The following SEMA3A variants were observed in gnomAD, a reference collection of about 807,000 sequenced individuals.
SEMA3A encodes the protein semaphorin 3A, also known as semaphorin-3A.
SEMA3A carries 29 observed loss-of-function variants against 97.9 expected under a neutral mutation model. The ratio of observed to expected loss-of-function variants is 0.30; its 90% CI spans 0.22 to 0.40. The LOEUF is 0.40. Among genes scored for constraint, SEMA3A ranks in the 10% least tolerant of loss-of-function variants. The pLI, the probability that SEMA3A is intolerant of heterozygous loss-of-function variation, is 1.00. For synonymous variants in SEMA3A, 321 were observed against 323.7 expected, an observed-to-expected ratio of 0.99 and a Z score of 0.09; for missense variants, 763 against 951.3, an observed-to-expected ratio of 0.80 and a Z score of 2.60.
intron 1 of SEMA3A, among the ~76,000 whole-genome samples, chr7:84,177,936 T>C (rs1797620172): frequency 6.6e-6 from 1 of 152,128 alleles, no homozygotes; most frequent in Non-Finnish European, 1.5e-5. Flanking sequence ...TCTCTCCTAA[T>C]GTATACATAT....
At chr7:84,458,304 C>T (rs931403652) in intron 1 of SEMA3A, among the ~76,000 whole-genome samples, 2 of 151,900 alleles carry the variant, frequency 1.3e-5, no homozygotes, top group African/African-American at 2.4e-5. Context: ...TGTACACCAG[C>T]TTTTATTTGT....
chr7:84,480,162 C>G (rs974777199), intron 1 of SEMA3A, among the ~76,000 whole-genome samples: 1 of 152,158 alleles, frequency 6.6e-6, no homozygotes, highest in South Asian at 2.1e-4. Flanking sequence ...GCCTCACTTT[C>G]GCTCAATTAG....
Position 84,358,099 on chromosome 7 carries a change from T to G in SEMA3A, c.-169+13725A>C, listed in dbSNP as rs1054269650. ...CATTCTGTAGGTTGCCTGTTCACACTGACGGTAGTTTATTTTGCTATGCAG... is the reference window on the plus strand; with the variant it reads ...CATTCTGTAGGTTGCCTGTTCACACGGACGGTAGTTTATTTTGCTATGCAG... On this transcript the variant is annotated intron_variant, in intron 2 of 3. Transcript: ENST00000424555. 3.3e-5 allele frequency among the ~76,000 whole-genome samples: 5 copies of G among 152,226 alleles called. No homozygotes were observed. In the East Asian group the frequency reaches 9.6e-4, roughly 29 times the overall value.
intron 3 of SEMA3A, among the ~76,000 whole-genome samples, chr7:84,256,753 G>A (rs1444094175): frequency 6.6e-6 from 1 of 151,784 alleles, no homozygotes; most frequent in East Asian, 1.9e-4. Flanking sequence ...ATCCTTTTTT[G>A]GTGTTATTTT....
At chr7:84,315,526 T>C (rs1801475025) in intron 2 of SEMA3A, among the ~76,000 whole-genome samples, 1 of 152,180 alleles carries the variant, frequency 6.6e-6, no homozygotes, top group Non-Finnish European at 1.5e-5. Flanking sequence ...TCAAATAGTT[T>C]ATCTCTTTCT....
intron 3 of SEMA3A, among the ~76,000 whole-genome samples, chr7:84,243,563 G>T (rs916527108): frequency 5.3e-5 from 8 of 151,848 alleles, no homozygotes; most frequent in African/African-American, 1.9e-4. Flanking sequence ...TTGCCTAGTG[G>T]TCTGTCTATT....
At chr7:84,003,667 C>A (rs1271748545) in intron 11 of SEMA3A, among the ~76,000 whole-genome samples, 4 of 152,092 alleles carry the variant, frequency 2.6e-5, no homozygotes, top group African/African-American at 4.8e-5. Flanking sequence ...GAGTGAGAGA[C>A]TTCTCAATAC....
At chr7:84,088,442 A>C (rs1268980362) in intron 4 of SEMA3A, among the ~76,000 whole-genome samples, 1 of 151,912 alleles carries the variant, frequency 6.6e-6, no homozygotes, top group Non-Finnish European at 1.5e-5. Flanking sequence ...CTACACAGGG[A>C]GACTCCGTTT....
chr7:84,014,486 A>G, intron 6 of SEMA3A, 135 bp from the exon 7 acceptor site: 1 of 687,124 alleles, frequency 1.5e-6, no homozygotes, highest in Non-Finnish European at 2.4e-6. Context: ...TTCATTTTGT[A>G]GGTACATATT....
intron 4 of SEMA3A, among the ~76,000 whole-genome samples, chr7:84,083,476 A>C (rs796449290): frequency 1.3e-5 from 2 of 152,018 alleles, no homozygotes; most frequent in African/African-American, 4.8e-5. Flanking sequence ...CTACCCTATC[A>C]GTTGTTTTGA....
chr7:84,329,192 T>C (rs1179962523), intron 2 of SEMA3A, among the ~76,000 whole-genome samples: 1 of 151,890 alleles, frequency 6.6e-6, no homozygotes, highest in East Asian at 1.9e-4. Context: ...AGAGGTAACA[T>C]TATGTATAAA....
At chr7:84,094,167 G>A (rs1055418694) in intron 4 of SEMA3A, among the ~76,000 whole-genome samples, 3 of 152,022 alleles carry the variant, frequency 2.0e-5, no homozygotes, top group African/African-American at 4.8e-5. Context: ...GTTATTTCAC[G>A]AAAAGGAACC....
At chr7:84,492,237 T>C (rs1468398166) in intron 1 of SEMA3A, among the ~76,000 whole-genome samples, 1 of 152,092 alleles carries the variant, frequency 6.6e-6, no homozygotes, top group Non-Finnish European at 1.5e-5. Context: ...TAGCACCACA[T>C]TTCAGTTCCG....
chr7:84,058,035 T>C (rs1793064557), intron 5 of SEMA3A, among the ~76,000 whole-genome samples: 1 of 152,156 alleles, frequency 6.6e-6, no homozygotes, highest in African/African-American at 2.4e-5. Context: ...TTTTAAGCTG[T>C]CATCTGGTTT....
chr7:84,117,090 T>G (rs1795454726), intron 3 of SEMA3A, among the ~76,000 whole-genome samples: 1 of 152,144 alleles, frequency 6.6e-6, no homozygotes, highest in African/African-American at 2.4e-5. Flanking sequence ...CAAATTTCAT[T>G]TTTTTCTGGC....
intron 4 of SEMA3A, among the ~76,000 whole-genome samples, chr7:84,101,539 A>C (rs1050626303): frequency 6.6e-6 from 1 of 152,110 alleles, no homozygotes; most frequent in Non-Finnish European, 1.5e-5. Flanking sequence ...TTGAAGTTCA[A>C]TTGTGCAACA....
intron 1 of SEMA3A, among the ~76,000 whole-genome samples, chr7:84,382,625 A>G (rs1302209726): frequency 1.4e-5 from 2 of 147,530 alleles, no homozygotes; most frequent in East Asian, 2.1e-4. Flanking sequence ...TTGGGAGGCC[A>G]AGGCGGGCAG....
chr7:84,287,929 G>T (rs914481703), intron 3 of SEMA3A, among the ~76,000 whole-genome samples: 7 of 151,988 alleles, frequency 4.6e-5, no homozygotes, highest in African/African-American at 1.4e-4. Context: ...TTCAATGCTG[G>T]GTTTAGAAAA....
rs145048201 is a variant in SEMA3A, at chr7:84,306,711, T to G, written c.-83+496A>C. 2.0e-5 allele frequency: 3 copies of G among 152,284 alleles called. No individual in the cohort carries two copies. In the East Asian group the frequency reaches 5.8e-4, roughly 29 times the overall value. 9.4% of individuals were successfully genotyped at this position (152,284 alleles called of 1,614,324 possible). On this transcript the variant is annotated intron_variant, in intron 3 of 3. Transcript: ENST00000424555. ...ACAGGTGATATTTCAATCTCACATG[T>G]GAGGTCAAAATTAAGATGGTGTAAC...
Sources: gnomAD v4.1 joint callset for allele counts (sites outside exome capture counted in the v4.1 genomes callset) on GRCh38, gnomAD v4.1.1 for gene constraint, MANE v1.5 for transcripts, NCBI Gene and HGNC (gene_info 2026-07-23, HGNC 2026-07-21) for gene names.